Variants in DNAH12 observed in about 807,000 individuals in gnomAD.
The protein encoded by DNAH12 is dynein axonemal heavy chain 12.
In DNAH12, 285 loss-of-function variants were observed where a neutral mutation model predicts 371.5. That is an observed-to-expected ratio of 0.77 (90% confidence interval 0.70 to 0.85). The LOEUF (loss-of-function observed/expected upper bound fraction) is 0.85, where lower values mean the gene tolerates loss of function less well. Among genes scored for constraint, DNAH12 ranks in the 40% least tolerant of loss-of-function variants. The probability of loss-of-function intolerance (pLI) is 0.00; values close to 1 mark genes in which losing one functional copy is unlikely to be tolerated. For synonymous variants in DNAH12, 1,200 were observed against 1,213.0 expected (o/e 0.99, Z 0.22); for missense variants, 3,611 against 3,689.4 (o/e 0.98, Z 0.55).
intron 10 of DNAH12, among the ~76,000 whole-genome samples, chr3:57,502,039 C>T (rs9881849): frequency 0.69 from 104,098 of 151,244 alleles, 35,987 homozygotes; most frequent in South Asian, 0.8. Flanking sequence ...CCCGAGTAGC[C>T]GGGACTACAG....
intron 37 of DNAH12, among the ~76,000 whole-genome samples, chr3:57,418,279 G>A (rs1390476926): frequency 6.7e-6 from 1 of 148,194 alleles, no homozygotes; most frequent in South Asian, 2.1e-4. Flanking sequence ...TGCCAGGCAC[G>A]GTGTAATCCT....
At chr3:57,542,602 C>T in intron 2 of DNAH12, 99 bp downstream of exon 2, 1 of 1,320,428 alleles carries the variant, frequency 7.6e-7, no homozygotes, top group Admixed American at 2.8e-5. Context: ...GTATTTTACC[C>T]ATGAACAACC....
chr3:57,325,323 A>C (rs1452858640), intron 62 of DNAH12, among the ~76,000 whole-genome samples: 3 of 152,210 alleles, frequency 2.0e-5, no homozygotes, highest in Non-Finnish European at 4.4e-5. Flanking sequence ...AGGCACCCCC[A>C]AGTAGGGGCA....
rs1297935522 is a variant in DNAH12 at position 57,519,758 on chromosome 3, G to A, written c.279+3825C>T. On this transcript the variant is annotated intron_variant, in intron 4 of 73. Transcript: ENST00000495027. ...ACCCACAGGGACATGCAGCAGTTGC[G>A]GAAGGAATGATTACATTCTCCCAAG... 9.3e-6 allele frequency: 15 copies of A among 1,606,188 alleles called. 1 individual carries two copies. Among genetic ancestry groups the A allele is most frequent in the South Asian group, 7.7e-5 (7 of 90,894 alleles).
At chr3:57,431,380 C>T (rs1303336509) in intron 32 of DNAH12, among the ~76,000 whole-genome samples, 6 of 152,176 alleles carry the variant, frequency 3.9e-5, no homozygotes, top group Non-Finnish European at 8.8e-5. Flanking sequence ...CCTTGACCAC[C>T]TTGCTCCACT....
intron 34 of DNAH12, 81 bp from the exon 35 acceptor site, chr3:57,425,222 A>T: frequency 1.5e-6 from 1 of 657,950 alleles, no homozygotes; most frequent in Non-Finnish European, 2.7e-6. Context: ...TTAAAAACTG[A>T]TAAAAGCATA....
intron 55 of DNAH12, among the ~76,000 whole-genome samples, chr3:57,372,449 CT>C (rs1316675331): frequency 1.3e-5 from 2 of 151,852 alleles, no homozygotes; most frequent in Non-Finnish European, 1.5e-5. Flanking sequence ...AAACATAAGA[CT>C]TTTTTTCTTA....
At chr3:57,442,047 G>C (rs1273461351) in intron 29 of DNAH12, among the ~76,000 whole-genome samples, 1 of 152,126 alleles carries the variant, frequency 6.6e-6, no homozygotes, top group Non-Finnish European at 1.5e-5. Flanking sequence ...GCAGGGTGGG[G>C]TGGGGAGGAG....
chr3:57,449,643 CG>C (rs1372633022), intron 25 of DNAH12, among the ~76,000 whole-genome samples: 1 of 152,186 alleles, frequency 6.6e-6, no homozygotes, highest in Non-Finnish European at 1.5e-5. Context: ...GCTCAGAGTG[CG>C]GGGCCCGCCA....
At chr3:57,356,234 G>A in intron 59 of DNAH12, among the ~76,000 whole-genome samples, 1 of 152,144 alleles carries the variant, frequency 6.6e-6, no homozygotes, top group East Asian at 1.9e-4. Context: ...TTGAGTCCAG[G>A]AGTTCGAGAC....
intron 68 of DNAH12, 143 bp downstream of exon 68, chr3:57,309,523 C>T (rs2061543168): frequency 2.4e-6 from 2 of 832,564 alleles, no homozygotes; most frequent in Non-Finnish European, 3.5e-6. Context: ...GTATTATCAC[C>T]ATTTAACGGA....
At chr3:57,358,403 G>C (rs1479153775) in intron 58 of DNAH12, among the ~76,000 whole-genome samples, 1 of 149,376 alleles carries the variant, frequency 6.7e-6, no homozygotes, top group Non-Finnish European at 1.5e-5. Context: ...CCCGGAGGTA[G>C]AGGAAGAGAC....
At chr3:57,309,483 A>G (rs1445980617) in intron 68 of DNAH12, among the ~76,000 whole-genome samples, 183 bp downstream of exon 68, 2 of 152,192 alleles carry the variant, frequency 1.3e-5, no homozygotes, top group East Asian at 1.9e-4. Flanking sequence ...GATGTCTTTA[A>G]TGTTCTCAAA....
chr3:57,411,526 CAAAA>C (rs57344840), intron 39 of DNAH12, among the ~76,000 whole-genome samples: 4 of 39,154 alleles, frequency 1.0e-4, no homozygotes, highest in African/African-American at 1.5e-4. Flanking sequence ...GACACTGTCT[CAAAA>C]AAAAAAAAAA....
At chr3:57,302,887 A>C (rs528827700) in intron 69 of DNAH12, among the ~76,000 whole-genome samples, 1 of 151,520 alleles carries the variant, frequency 6.6e-6, no homozygotes, top group Non-Finnish European at 1.5e-5. Flanking sequence ...GGTAGCAGAA[A>C]AATGACAAAA....
chr3:57,453,141 T>C (rs1360399066), intron 24 of DNAH12, 106 bp downstream of exon 24: 17 of 1,461,140 alleles, frequency 1.2e-5, no homozygotes, highest in Non-Finnish European at 1.4e-5. Flanking sequence ...ATAAAAAAGA[T>C]TGTGTTAAAA....
Position 57,403,408 on chromosome 3 carries a change from T to C in DNAH12, c.6849A>G (p.Gln2283=), listed in dbSNP as rs1429018863. 5.2e-6 allele frequency: 8 copies of C among 1,551,468 alleles called. No individual in the cohort carries two copies. In the African/African-American group the frequency reaches 6.8e-5, roughly 13 times the overall value. The change falls in exon 43 of 74, where the codon CAA becomes CAG. Residue 2283 remains glutamine (Q), a synonymous_variant. Transcript: ENST00000495027. ...TGGATGTAGCCAGACGAGTTAAAGA[T>C]TGACGACCACTTCCTCCAAGACCAA... ...LLVGLGGSGR[Q]SLTRLATSMA...
chr3:57,479,314 G>C (rs893531058), intron 13 of DNAH12, among the ~76,000 whole-genome samples: 1 of 152,008 alleles, frequency 6.6e-6, no homozygotes, highest in Non-Finnish European at 1.5e-5. Context: ...AAGATCAAAA[G>C]AGACAAAGAA....
chr3:57,370,508 GC>G (rs2063148438), intron 55 of DNAH12, among the ~76,000 whole-genome samples: 3 of 152,158 alleles, frequency 2.0e-5, no homozygotes, highest in Non-Finnish European at 4.4e-5. Context: ...AGTCTGAACT[GC>G]TCTCAACCAT....
Sources: gnomAD v4.1 joint callset for allele counts (sites outside exome capture counted in the v4.1 genomes callset) on GRCh38, gnomAD v4.1.1 for gene constraint, MANE v1.5 for transcripts, NCBI Gene and HGNC (gene_info 2026-07-23, HGNC 2026-07-21) for gene names.